PRKG1: variants seen among roughly 807,000 people sequenced by gnomAD.
PRKG1 encodes cGMP-dependent protein kinase 1.
Under a neutral mutation model 88.1 loss-of-function variants are expected in PRKG1, and 35 were observed. That is an observed-to-expected ratio of 0.40 (90% confidence interval 0.30 to 0.53). PRKG1 has a LOEUF of 0.53. PRKG1 is among the 20% of genes least tolerant of loss of function. PRKG1 has a pLI of 0.59. For synonymous variants in PRKG1, 303 were observed against 292.5 expected (o/e 1.04, Z -0.37); for missense variants, 540 against 839.8 (o/e 0.64, Z 4.41).
chr10:51,729,870 C>T (rs1450472245), intron 3 of PRKG1, among the ~76,000 whole-genome samples: 2 of 151,934 alleles, frequency 1.3e-5, no homozygotes, highest in Non-Finnish European at 2.9e-5. Context: ...TTTTGTAGAG[C>T]AGTTTTAGAT....
intron 3 of PRKG1, among the ~76,000 whole-genome samples, chr10:51,602,006 C>A (rs1281251751): frequency 2.0e-5 from 3 of 151,878 alleles, no homozygotes; most frequent in South Asian, 2.1e-4. Flanking sequence ...AGTAATGCAA[C>A]AAAATGTCTG....
chr10:52,239,267 C>T (rs1840781700), intron 9 of PRKG1, among the ~76,000 whole-genome samples: 2 of 138,100 alleles, frequency 1.4e-5, no homozygotes, highest in South Asian at 4.7e-4. Context: ...CACATGTATA[C>T]ATATGTAACT....
intron 3 of PRKG1, among the ~76,000 whole-genome samples, chr10:51,653,739 T>C (rs1840096555): frequency 6.6e-6 from 1 of 152,014 alleles, no homozygotes; most frequent in African/African-American, 2.4e-5. Flanking sequence ...GCTAATTTTT[T>C]GTGTTTTTAA....
At position 52,001,655 on chromosome 10, in the gene PRKG1, G is replaced by A. The variant is rs147141238; in HGVS notation, c.763-52829G>A. Among the ~76,000 whole-genome samples the A allele has an allele frequency of 2.5e-3, 379 of 151,826 alleles. 2 individuals carry two copies. The highest frequency in any genetic ancestry group is 8.9e-3 in the African/African-American group (368 of 41,456). ...TAATAGCAGACTTTTAAAGTGTCCTGAGTAGCAAAAGTAAATACTTAAAAA... is the reference window on the plus strand; with the variant it reads ...TAATAGCAGACTTTTAAAGTGTCCTAAGTAGCAAAAGTAAATACTTAAAAA... On this transcript the variant is annotated intron_variant, in intron 5 of 17. Transcript: ENST00000373980.
intron 2 of PRKG1, among the ~76,000 whole-genome samples, chr10:51,206,790 A>G (rs1476661148): frequency 6.6e-6 from 1 of 152,208 alleles, no homozygotes; most frequent in Non-Finnish European, 1.5e-5. Flanking sequence ...CTGCAGTTAT[A>G]GCTTTTTGGC....
At chr10:51,071,479 A>G (rs906251642), upstream of PRKG1, among the ~76,000 whole-genome samples, 2 of 152,218 alleles carry the variant, frequency 1.3e-5, no homozygotes, top group African/African-American at 4.8e-5. Context: ...CAATTGTAAA[A>G]GTCATGTCTT....
At chr10:51,146,531 A>T (rs1251945304) in intron 1 of PRKG1, among the ~76,000 whole-genome samples, 5 of 151,726 alleles carry the variant, frequency 3.3e-5, no homozygotes, top group African/African-American at 1.2e-4. Flanking sequence ...TTGCTTCTTC[A>T]CTCTGCTGAT....
intron 7 of PRKG1, among the ~76,000 whole-genome samples, chr10:52,127,816 C>T (rs1397427722): frequency 2.0e-5 from 3 of 152,102 alleles, no homozygotes; most frequent in Non-Finnish European, 4.4e-5. Context: ...GGTTTTATTA[C>T]AGTGTTGGAG....
At chr10:51,857,731 C>A (rs1414360833) in intron 4 of PRKG1, among the ~76,000 whole-genome samples, 2 of 151,894 alleles carry the variant, frequency 1.3e-5, no homozygotes, top group Non-Finnish European at 2.9e-5. Flanking sequence ...TCTTTAGAGC[C>A]AGCCAGATTT....
At position 52,264,089 on chromosome 10, in the gene PRKG1, A is replaced by G. The variant is rs567394037; in HGVS notation, c.1174-7261A>G. The stretch of plus-strand genomic sequence containing the variant: ...CTGTATACCCTGCTTCAGCTTTGTT[A>G]TTATACTCCACTGCTGCAGAACAGG... On this transcript the variant is annotated intron_variant, in intron 10 of 17. Transcript: ENST00000373980. 4.0e-5 allele frequency among the ~76,000 whole-genome samples: 6 copies of G among 151,732 alleles called. No individual in the cohort carries two copies. The South Asian group carries it at 1.3e-3, about 32-fold the overall frequency.
At chr10:51,344,846 C>G (rs1314711783) in intron 2 of PRKG1, among the ~76,000 whole-genome samples, 1 of 152,110 alleles carries the variant, frequency 6.6e-6, no homozygotes, top group Non-Finnish European at 1.5e-5. Context: ...ATTGCTTGCT[C>G]CCTTTGCCCC....
At position 51,782,892 on chromosome 10, in the gene PRKG1, C is replaced by G. The variant is rs150907106; in HGVS notation, c.593-21693C>G. The stretch of plus-strand genomic sequence containing the variant: ...GTAAATTGCCCAGTCTTGGGTATGT[C>G]TTTATCAGTAGCGTGAAAATGGACT... On this transcript the variant is annotated intron_variant, in intron 3 of 17. Coordinates refer to ENST00000373980, the MANE Select transcript of PRKG1 (RefSeq NM_006258.4). 2.6e-5 allele frequency among the ~76,000 whole-genome samples: 4 copies of G among 152,170 alleles called. No homozygotes were observed. In the East Asian group the frequency reaches 7.7e-4, roughly 29 times the overall value.
At chr10:51,644,121 T>A (rs10998661) in intron 3 of PRKG1, among the ~76,000 whole-genome samples, 7,483 of 152,218 alleles carry the variant, frequency 0.049, 301 homozygotes, top group South Asian at 0.12. Context: ...TAATAAACTC[T>A]TAGTATCACA....
chr10:51,213,009 T>C (rs900127446), intron 2 of PRKG1, among the ~76,000 whole-genome samples: 13 of 152,178 alleles, frequency 8.5e-5, no homozygotes, highest in African/African-American at 3.1e-4. Flanking sequence ...TAAAGACACA[T>C]GCACACGTAT....
intron 5 of PRKG1, among the ~76,000 whole-genome samples, chr10:51,957,194 C>A (rs1843330690): frequency 6.9e-6 from 1 of 145,030 alleles, no homozygotes. Flanking sequence ...TTCCTCCCTC[C>A]TTTCCTCCCT....
intron 3 of PRKG1, among the ~76,000 whole-genome samples, chr10:51,590,712 G>T (rs1210079337): frequency 6.6e-6 from 1 of 151,992 alleles, no homozygotes; most frequent in East Asian, 1.9e-4. Context: ...ATCTAAAGCT[G>T]TGTCATCAAG....
intron 1 of PRKG1, among the ~76,000 whole-genome samples, chr10:51,026,658 T>C (rs2339683): frequency 0.9 from 136,921 of 152,142 alleles, 61,815 homozygotes; most frequent in African/African-American, 0.97. Context: ...TTTGTCTTCT[T>C]GAGTCACAGC....
chr10:51,163,147 A>G (rs1055586953), intron 2 of PRKG1, among the ~76,000 whole-genome samples: 2 of 152,230 alleles, frequency 1.3e-5, no homozygotes, highest in African/African-American at 2.4e-5. Context: ...TCTGGGCAAC[A>G]GGAGTGAAAC....
rs190337087 is a variant in PRKG1, at chr10:51,198,456, T to C, written c.478+45126T>C. On this transcript the variant is annotated intron_variant, in intron 2 of 17. Transcript: ENST00000373980. Reference sequence around the variant, plus strand: ...AAATTCACAGTCGGATGTAAAAACCTGTGAGAGATTTCCCCATAAATTAGT... The same window carrying C: ...AAATTCACAGTCGGATGTAAAAACCCGTGAGAGATTTCCCCATAAATTAGT... Among the ~76,000 whole-genome samples the C allele has an allele frequency of 3.5e-3, 533 of 152,330 alleles. 1 individual carries two copies. Among genetic ancestry groups the C allele is most frequent in the Admixed American group, 5.5e-3 (84 of 15,300 alleles).
Sources: allele counts gnomAD v4.1 joint callset (sites outside exome capture counted in the v4.1 genomes callset), GRCh38; gene constraint gnomAD v4.1.1; transcripts MANE v1.5; gene names NCBI Gene and HGNC (gene_info 2026-07-23, HGNC 2026-07-21).